Variants in TTC9C observed in about 807,000 individuals in gnomAD.
TTC9C encodes the protein tetratricopeptide repeat domain 9C, also known as tetratricopeptide repeat protein 9C.
Under a neutral mutation model 22.5 loss-of-function variants are expected in TTC9C, and 15 were observed. The ratio of observed to expected loss-of-function variants is 0.67; its 90% CI spans 0.45 to 1.03. The LOEUF is 1.03. Among genes scored for constraint, TTC9C ranks in the 50% least tolerant of loss-of-function variants. The pLI is 0.00. For missense variants in TTC9C, 244 were observed against 214.6 expected, an observed-to-expected ratio of 1.14 and a Z score of -0.86; for synonymous variants, 92 against 86.8, an observed-to-expected ratio of 1.06 and a Z score of -0.33.
At chr11:62,736,129 C>A (rs998572244) in intron 2 of TTC9C, 1 of 140,418 alleles carries the variant, frequency 7.1e-6, no homozygotes, top group South Asian at 2.3e-4. Context: ...CCCAGCTACT[C>A]GGGAGGCTGA....
In TTC9C at chr11:62,731,913, C is replaced by T. The variant is rs192915204; in HGVS notation, c.238+2827C>T. On this transcript the variant is annotated intron_variant, in intron 1 of 2. Transcript: ENST00000316461. ...TGTTAGCCAGGATGGTCTCCATCTC[C>T]TGACCTAGTGATCCTCCCGCCTTGG... Among the ~76,000 whole-genome samples the T allele has an allele frequency of 2.1e-4, 31 of 150,030 alleles. No homozygotes were observed. The East Asian group carries it at 5.9e-3, about 28-fold the overall frequency.
intron 2 of TTC9C, among the ~76,000 whole-genome samples, chr11:62,736,675 C>A (rs1386584551): frequency 1.3e-4 from 19 of 146,922 alleles, no homozygotes; most frequent in Non-Finnish European, 2.1e-4. Context: ...GCCTAGGGGA[C>A]AGAGGGCGGC....
chr11:62,731,660 T>G (rs1438053832), intron 1 of TTC9C, among the ~76,000 whole-genome samples: 1 of 151,680 alleles, frequency 6.6e-6, no homozygotes, highest in African/African-American at 2.4e-5. Context: ...TCATTCATTC[T>G]CTGTCCCGAC....
At chr11:62,737,269 GATA>G (rs1344827710) in intron 2 of TTC9C, among the ~76,000 whole-genome samples, 4 of 152,196 alleles carry the variant, frequency 2.6e-5, no homozygotes, top group African/African-American at 9.6e-5. Context: ...AAATACACTT[GATA>G]ATTTTCATTC....
intron 1 of TTC9C, among the ~76,000 whole-genome samples, chr11:62,732,608 G>A (rs539301501): frequency 1.2e-5 from 1 of 80,792 alleles, no homozygotes; most frequent in Middle Eastern, 0.01. Context: ...GCAAAACTCC[G>A]TCTCAAAAAA....
chr11:62,736,477 G>A (rs530004640), intron 2 of TTC9C, among the ~76,000 whole-genome samples: 29 of 152,064 alleles, frequency 1.9e-4, no homozygotes, highest in African/African-American at 7.0e-4. Flanking sequence ...GGCGGATTAC[G>A]AGGTCAGGAG....
chr11:62,738,368 G>A lies in TTC9C; in HGVS notation c.502G>A (p.Gly168Ser), dbSNP rs2083936552. ...YHRKEKQLYL[G>S]MFG ...TAGAAAAGAGAAGCAGCTCTACCTG[G>A]GCATGTTTGGTTAACAAAGAAGAAA... The change falls in exon 3 of 3, where the codon GGC (glycine) becomes AGC (serine). Residue 168 changes from glycine (G) to serine (S), a missense_variant. By Grantham distance (56) the Gly-to-Ser change is moderately conservative. Transcript: ENST00000316461. 1 of 1,610,594 alleles carries A rather than the reference G, an allele frequency of 6.2e-7. No homozygotes were observed. Among genetic ancestry groups the A allele is most frequent in the African/African-American group, 1.3e-5 (1 of 74,798 alleles).
At chr11:62,729,569 ATTTTT>A (rs1204345239) in intron 1 of TTC9C, among the ~76,000 whole-genome samples, 2 of 113,602 alleles carry the variant, frequency 1.8e-5, no homozygotes, top group Non-Finnish European at 3.5e-5. Context: ...CGCCCAGCTA[ATTTTT>A]TTTTTTTTTT....
chr11:62,731,064 T>G (rs867961168), intron 1 of TTC9C, among the ~76,000 whole-genome samples: 9 of 151,570 alleles, frequency 5.9e-5, no homozygotes, highest in African/African-American at 1.9e-4. Flanking sequence ...AATTTTGGTA[T>G]TTTTAGTAGA....
intron 2 of TTC9C, chr11:62,735,806 C>G (rs1302754330): frequency 2.2e-6 from 1 of 445,888 alleles, no homozygotes; most frequent in African/African-American, 2.0e-5. Flanking sequence ...CTTAATCAGA[C>G]ATACACAATA....
chr11:62,734,135 C>CA (rs926601488), intron 1 of TTC9C, among the ~76,000 whole-genome samples: 2 of 150,838 alleles, frequency 1.3e-5, no homozygotes, highest in African/African-American at 4.9e-5. Context: ...CCCATCTCTA[C>CA]AAAAATACAA....
At chr11:62,730,264 CG>C (rs765004096) in intron 1 of TTC9C, among the ~76,000 whole-genome samples, 1 of 151,914 alleles carries the variant, frequency 6.6e-6, no homozygotes, top group Non-Finnish European at 1.5e-5. Flanking sequence ...TTAGTAGAAA[CG>C]GGGTTTCACC....
chr11:62,736,861 A>T (rs1310277891), intron 2 of TTC9C, among the ~76,000 whole-genome samples: 1 of 151,712 alleles, frequency 6.6e-6, no homozygotes, highest in Non-Finnish European at 1.5e-5. Context: ...CCCAAAAAAA[A>T]AAAAAGCGAG....
chr11:62,730,610 G>A (rs1270504597), intron 1 of TTC9C, among the ~76,000 whole-genome samples: 1 of 151,996 alleles, frequency 6.6e-6, no homozygotes, highest in Non-Finnish European at 1.5e-5. Flanking sequence ...TTTTGCTCTT[G>A]TTGCCCAGGC....
At chr11:62,733,003 G>A (rs190602968) in intron 1 of TTC9C, 1 of 269,994 alleles carries the variant, frequency 3.7e-6, no homozygotes, top group Admixed American at 6.0e-5. Context: ...CACTTGGTGG[G>A]GATGTTGTAG....
rs746392122 is a variant in TTC9C, at chr11:62,728,712, G to A, written c.-137G>A. ...AGAAACAAGCAAACCGCAGGTCCCT[G>A]TGGGGGGACTCTCCAGGAAGAAGGG... On this transcript the variant is annotated 5_prime_UTR_variant, in exon 1 of 3. In the 5' UTR this introduces an upstream ATG that the reference lacks. Coordinates refer to ENST00000316461, the MANE Select transcript of TTC9C (RefSeq NM_173810.4). The A allele has an allele frequency of 1.2e-6, 1 of 842,094 alleles. No individual in the cohort carries two copies. Among genetic ancestry groups the A allele is most frequent in the Non-Finnish European group, 2.0e-6 (1 of 508,626 alleles). The allele number at this position is 842,094 out of a possible 1,614,324, so 52.2% of individuals were successfully genotyped here.
chr11:62,737,165 C>T (rs1391659488), intron 2 of TTC9C, among the ~76,000 whole-genome samples: 1 of 152,062 alleles, frequency 6.6e-6, no homozygotes, highest in East Asian at 1.9e-4. Flanking sequence ...CGCCACTGCA[C>T]TCCAGCCTGG....
chr11:62,735,759 A>G (rs1395330142), intron 2 of TTC9C, 195 bp downstream of exon 2: 1 of 1,001,584 alleles, frequency 1.0e-6, no homozygotes, highest in Non-Finnish European at 1.4e-6. Context: ...CTCCACAGAA[A>G]AGCAGTATTA....
At chr11:62,731,989 CTTTTTTTTTTTT>C (rs58705402) in intron 1 of TTC9C, among the ~76,000 whole-genome samples, 6 of 63,216 alleles carry the variant, frequency 9.5e-5, no homozygotes, top group South Asian at 5.1e-4. Context: ...CTGGTCAGCA[CTTTTTTTTTTTT>C]TTTTTTTTTT....
Sources: allele counts gnomAD v4.1 joint callset (sites outside exome capture counted in the v4.1 genomes callset), GRCh38; gene constraint gnomAD v4.1.1; transcripts MANE v1.5; gene names NCBI Gene and HGNC (gene_info 2026-07-23, HGNC 2026-07-21).